Variants in PARVB observed in about 807,000 individuals in gnomAD.
The protein encoded by PARVB is beta-parvin.
A neutral mutation model predicts 47.0 loss-of-function variants in PARVB; 46 were observed. The ratio of observed to expected loss-of-function variants is 0.98; its 90% CI spans 0.77 to 1.25. The LOEUF (loss-of-function observed/expected upper bound fraction) is 1.25. PARVB is among the 50% of genes most tolerant of loss of function. The pLI is 0.00. For synonymous variants in PARVB, 196 were observed against 196.3 expected (o/e 1.00, Z 0.01); for missense variants, 473 against 471.6 (o/e 1.00, Z -0.03).
intron 1 of PARVB, among the ~76,000 whole-genome samples, chr22:44,046,288 A>G (rs182760626): frequency 1.4e-4 from 22 of 152,360 alleles, no homozygotes; most frequent in Admixed American, 1.2e-3. Flanking sequence ...CTTTTCTTGC[A>G]GGAAGTCAGA....
intron 2 of PARVB, among the ~76,000 whole-genome samples, chr22:44,099,580 T>C (rs1296945422): frequency 6.6e-6 from 1 of 152,220 alleles, no homozygotes; most frequent in Admixed American, 6.5e-5. Context: ...TTATTTTACA[T>C]ACAACATTGC....
Position 44,131,612 on chromosome 22 carries a change from C to T in PARVB, c.502C>T (p.Arg168Trp), listed in dbSNP as rs144931273. The change falls in exon 5 of 13, where the codon CGG becomes TGG. Residue 168 changes from arginine to tryptophan, a missense_variant. Arg to Trp is a moderately radical substitution (Grantham distance 101). Coordinates refer to ENST00000338758, the MANE Select transcript of PARVB (RefSeq NM_013327.5). ...GCTGCGGCCCCGAGGCTGGGCGCTC[C>T]GGTGGAGCGTGGACTGTGAGTTCCA... The part of the protein sequence containing the change: ...DLLRPRGWAL[R>W]WSVDSIHGKN... 4.6e-5 allele frequency: 74 copies of T among 1,613,466 alleles called. No individual in the cohort carries two copies. The highest frequency in any genetic ancestry group is 1.1e-4 in the African/African-American group (8 of 75,046).
At chr22:44,077,556 A>G (rs950407629) in intron 1 of PARVB, among the ~76,000 whole-genome samples, 2 of 152,212 alleles carry the variant, frequency 1.3e-5, no homozygotes, top group African/African-American at 2.4e-5. Flanking sequence ...ATCTTCTTCC[A>G]GACCGCCAGA....
At position 44,168,718 on chromosome 22, in the gene PARVB, A is replaced by G. The variant is rs1272466835; in HGVS notation, c.*40A>G. On this transcript the variant is annotated 3_prime_UTR_variant, in exon 13 of 13. Coordinates refer to ENST00000338758, the MANE Select transcript of PARVB (RefSeq NM_013327.5). ...ATGGTGGCAGGAGTGTCCCAGCAAG[A>G]AAGGCGGCATCCGTCTGTGCCCTGT... The G allele has an allele frequency of 7.2e-7, 1 of 1,390,050 alleles. No individual in the cohort carries two copies. The highest frequency in any genetic ancestry group is 1.2e-5 in the South Asian group (1 of 86,572). 86.1% of individuals were successfully genotyped at this position (1,390,050 alleles called of 1,614,324 possible). A position where few individuals can be genotyped will look rare whatever the true frequency, so the allele number is the denominator to read the frequency against.
Position 44,119,117 on chromosome 22 carries a change from G to T in PARVB, c.353G>T (p.Gly118Val). ...VKQLEEDLYD[G>V]QVLQKLLEKL... Reference sequence around the variant, plus strand: ...CAGCTGGAGGAAGACCTGTATGACGGCCAGGTGCTGCAGAAGCTCTTGGGT... The same window carrying T: ...CAGCTGGAGGAAGACCTGTATGACGTCCAGGTGCTGCAGAAGCTCTTGGGT... Residue 118 changes from glycine to valine, a missense_variant, in exon 4 of 13, where the codon GGC becomes GTC. Physicochemically the swap from Gly to Val is moderately radical, Grantham distance 109. Transcript: ENST00000338758. 1 of 1,613,154 alleles carries T rather than the reference G, an allele frequency of 6.2e-7. No individual in the cohort carries two copies. Among genetic ancestry groups the T allele is most frequent in the South Asian group, 1.1e-5 (1 of 91,074 alleles).
chr22:44,035,662 C>T (rs568018199), intron 1 of PARVB, among the ~76,000 whole-genome samples: 8 of 152,168 alleles, frequency 5.3e-5, no homozygotes, highest in African/African-American at 1.7e-4. Context: ...TGAGCCACCG[C>T]GCCCGTCCGT....
At chr22:44,023,778 G>A (rs1369907299), upstream of PARVB, among the ~76,000 whole-genome samples, 1 of 151,956 alleles carries the variant, frequency 6.6e-6, no homozygotes, top group African/African-American at 2.4e-5. Context: ...CCTCCCCGTC[G>A]CCTCTTCCAG....
chr22:44,102,126 T>C (rs574660050), intron 3 of PARVB, among the ~76,000 whole-genome samples: 1 of 152,320 alleles, frequency 6.6e-6, no homozygotes, highest in South Asian at 2.1e-4. Context: ...CCAGCCTGCG[T>C]CTGCAGCCCT....
At chr22:44,110,246 A>G (rs2052665804) in intron 3 of PARVB, 1 of 151,636 alleles carries the variant, frequency 6.6e-6, no homozygotes, top group South Asian at 2.1e-4. Flanking sequence ...CCCGCCTGGG[A>G]GAAGCTGCCA....
chr22:44,151,611 G>C, intron 10 of PARVB, 60 bp downstream of exon 10: 2 of 1,331,008 alleles, frequency 1.5e-6, no homozygotes, highest in South Asian at 2.3e-5. Flanking sequence ...TCAGTGTTTT[G>C]ATCCCAGGTG....
In PARVB at chr22:44,122,580, G is replaced by C. The variant is rs868236051; in HGVS notation, c.376+3440G>C. On this transcript the variant is annotated intron_variant, in intron 4 of 12. Coordinates refer to ENST00000338758, the MANE Select transcript of PARVB (RefSeq NM_013327.5). The stretch of plus-strand genomic sequence containing the variant: ...ACAGAGACAGAGAGAGAGAGAGAGA[G>C]AGAGAGAGAGAGAGAGAGAGAGAGA... Among the ~76,000 whole-genome samples the C allele has an allele frequency of 1.4e-3, 187 of 136,968 alleles. 4 individuals are homozygous for C. Among genetic ancestry groups the C allele is most frequent in the African/African-American group, 5.0e-3 (160 of 32,136 alleles). 89.9% of individuals were successfully genotyped at this position (136,968 alleles called of 152,430 possible). A position where few individuals can be genotyped will look rare whatever the true frequency, so the allele number is the denominator to read the frequency against.
At chr22:44,062,361 G>A (rs1354284237) in intron 1 of PARVB, among the ~76,000 whole-genome samples, 1 of 152,186 alleles carries the variant, frequency 6.6e-6, no homozygotes, top group East Asian at 1.9e-4. Flanking sequence ...AAATGGGCCA[G>A]GCACGGTGGC....
intron 3 of PARVB, among the ~76,000 whole-genome samples, chr22:44,118,166 C>T (rs1334507410): frequency 6.6e-6 from 1 of 152,174 alleles, no homozygotes; most frequent in Non-Finnish European, 1.5e-5. Flanking sequence ...AAATAACCAT[C>T]AACCAAGGGA....
chr22:44,078,660 C>T (rs576361318), intron 1 of PARVB, among the ~76,000 whole-genome samples: 2 of 152,292 alleles, frequency 1.3e-5, no homozygotes, highest in African/African-American at 4.8e-5. Flanking sequence ...ATGTGAACAT[C>T]TTTGCAGGGA....
chr22:44,049,827 G>A lies in PARVB; in HGVS notation c.112+25376G>A, dbSNP rs1040187388. Among the ~76,000 whole-genome samples the A allele has an allele frequency of 6.6e-6, 1 of 152,276 alleles. No individual in the cohort carries two copies. On this transcript the variant is annotated intron_variant, in intron 1 of 12. Transcript: ENST00000338758. This position sits in a 1 kb window ranked among gnomAD's most constrained non-coding sequence, Gnocchi z 4.0. ...CTCAGCCATCTGGCACATGGAGTGA[G>A]TAGGTTTTATTGCCAAAGCCGTCCC...
intron 1 of PARVB, among the ~76,000 whole-genome samples, chr22:44,070,186 G>T (rs947319567): frequency 6.6e-6 from 1 of 152,174 alleles, no homozygotes; most frequent in Non-Finnish European, 1.5e-5. Flanking sequence ...AGTTGAGTAA[G>T]CTGAAGCCCA....
At chr22:44,122,649 A>G (rs1177919240) in intron 4 of PARVB, among the ~76,000 whole-genome samples, 1 of 151,396 alleles carries the variant, frequency 6.6e-6, no homozygotes, top group East Asian at 1.9e-4. Context: ...ACTCCCAGGT[A>G]ACAATTTTCA....
At chr22:44,153,148 A>G (rs1210715340) in intron 10 of PARVB, 1 of 152,148 alleles carries the variant, frequency 6.6e-6, no homozygotes, top group African/African-American at 2.4e-5. Context: ...GCAGTTTACA[A>G]ATGTTGCACA....
In PARVB at chr22:44,114,355, A is replaced by G. The variant is rs2052803068; in HGVS notation, c.274-4683A>G. 2 of 137,154 alleles carry G rather than the reference A, an allele frequency of 1.5e-5. 1 individual carries two copies. 8.5% of individuals were successfully genotyped at this position (137,154 alleles called of 1,614,324 possible). ...ACTAAAGCCTTGCACCAACATGGACACATCATTACTAACTAAGGCCCTGCA... is the reference window on the plus strand; with the variant it reads ...ACTAAAGCCTTGCACCAACATGGACGCATCATTACTAACTAAGGCCCTGCA... On this transcript the variant is annotated intron_variant, in intron 3 of 12. Coordinates refer to ENST00000338758, the MANE Select transcript of PARVB (RefSeq NM_013327.5).
Sources: gnomAD v4.1 joint callset for allele counts (sites outside exome capture counted in the v4.1 genomes callset) on GRCh38, gnomAD v4.1.1 for gene constraint, Gnocchi (gnomAD v3.1) non-coding constraint, MANE v1.5 for transcripts, NCBI Gene and HGNC (gene_info 2026-07-23, HGNC 2026-07-21) for gene names.